ECH1: variants seen among roughly 807,000 people sequenced by gnomAD.
ECH1 encodes the protein enoyl-CoA hydratase 1, also known as delta(3,5)-Delta(2,4)-dienoyl-CoA isomerase, mitochondrial.
A neutral mutation model predicts 37.0 loss-of-function variants in ECH1; 30 were observed. The ratio of observed to expected loss-of-function variants is 0.81; its 90% CI spans 0.61 to 1.10. The LOEUF (loss-of-function observed/expected upper bound fraction) is 1.10. Ranked by LOEUF, ECH1 falls within the 50% of genes least tolerant of loss-of-function variation. The probability of loss-of-function intolerance (pLI) is 0.00; values close to 1 mark genes in which losing one functional copy is unlikely to be tolerated. For synonymous variants in ECH1, 178 were observed against 176.0 expected, an observed-to-expected ratio of 1.01 and a Z score of -0.09; for missense variants, 456 against 441.6, an observed-to-expected ratio of 1.03 and a Z score of -0.29.
At chr19:38,819,892 C>T (rs1971636314) in intron 3 of ECH1, among the ~76,000 whole-genome samples, 1 of 151,650 alleles carries the variant, frequency 6.6e-6, no homozygotes, top group African/African-American at 2.4e-5. Flanking sequence ...TTGCAGGCTG[C>T]GGTCAGCTAT....
At chr19:38,818,641 C>T (rs1971613369) in intron 3 of ECH1, among the ~76,000 whole-genome samples, 1 of 152,154 alleles carries the variant, frequency 6.6e-6, no homozygotes, top group Non-Finnish European at 1.5e-5. Context: ...GCGCCCACCA[C>T]CATGCCCGGC....
At chr19:38,818,180 G>A in intron 3 of ECH1, 1 of 972,458 alleles carries the variant, frequency 1.0e-6, no homozygotes, top group Non-Finnish European at 1.2e-6. Flanking sequence ...TTAAAATCTG[G>A]AACCATGCAG....
At chr19:38,818,671 A>G (rs537945236) in intron 3 of ECH1, among the ~76,000 whole-genome samples, 1 of 151,794 alleles carries the variant, frequency 6.6e-6, no homozygotes, top group African/African-American at 2.4e-5. Flanking sequence ...TATTTTTAGT[A>G]GAGACGGGGT....
intron 8 of ECH1, 25 bp from the exon 9 acceptor site, chr19:38,816,032 G>C: frequency 6.2e-7 from 1 of 1,610,874 alleles, no homozygotes; most frequent in Non-Finnish European, 8.5e-7. Context: ...ATCAGGGACC[G>C]GGTGGGCTGG....
intron 3 of ECH1, among the ~76,000 whole-genome samples, chr19:38,821,443 T>A (rs1971659982): frequency 6.6e-6 from 1 of 152,202 alleles, no homozygotes; most frequent in South Asian, 2.1e-4. Context: ...GGAGCCCCTC[T>A]CTGGGCTGGC....
intron 3 of ECH1, among the ~76,000 whole-genome samples, chr19:38,823,556 C>T (rs950870951): frequency 6.6e-6 from 1 of 152,192 alleles, no homozygotes. Context: ...GGCTCTCTAA[C>T]AACTCCCGAC....
rs907796158 is a variant in ECH1, at chr19:38,816,015, G to A, written c.732-8C>T. Reference sequence around the variant, plus strand: ...TTGTCTGGGAACACCCGGCTGCAGTGAAAGAGATCAGGGACCGGGTGGGCT... The same window carrying A: ...TTGTCTGGGAACACCCGGCTGCAGTAAAAGAGATCAGGGACCGGGTGGGCT... On this transcript the variant is annotated splice_polypyrimidine_tract_variant and splice_region_variant and intron_variant, in intron 8 of 9. Coordinates refer to ENST00000221418, the MANE Select transcript of ECH1 (RefSeq NM_001398.3). The A allele has an allele frequency of 1.2e-6, 2 of 1,612,186 alleles. No individual in the cohort carries two copies. Among genetic ancestry groups the A allele is most frequent in the Non-Finnish European group, 8.5e-7 (1 of 1,179,846 alleles).
At chr19:38,815,796 C>T (rs2145368110) in intron 9 of ECH1, 61 bp downstream of exon 9, 1 of 1,613,054 alleles carries the variant, frequency 6.2e-7, no homozygotes, top group Non-Finnish European at 8.5e-7. Context: ...GAGCACCCTG[C>T]ACCCTGGTTG....
intron 3 of ECH1, among the ~76,000 whole-genome samples, chr19:38,828,560 G>C (rs1274472919): frequency 6.6e-6 from 1 of 151,536 alleles, no homozygotes; most frequent in African/African-American, 2.4e-5. Flanking sequence ...AGATGATAAG[G>C]AGACTGACCC....
chr19:38,818,222 T>C, intron 3 of ECH1: 1 of 985,364 alleles, frequency 1.0e-6, no homozygotes, highest in Non-Finnish European at 1.2e-6. Context: ...TTCCCCAAGA[T>C]GCCAGACAGC....
intron 3 of ECH1, among the ~76,000 whole-genome samples, chr19:38,828,061 TA>T (rs1971763860): frequency 6.6e-6 from 1 of 151,692 alleles, no homozygotes; most frequent in South Asian, 2.1e-4. Context: ...AAAATAAAAA[TA>T]AAAACAGAAA....
chr19:38,819,378 A>C, intron 3 of ECH1: 1 of 282,554 alleles, frequency 3.5e-6, no homozygotes, highest in South Asian at 1.4e-4. Context: ...CTCCCTGGCC[A>C]ACCTGGCTCA....
At chr19:38,821,517 C>A (rs1568358520) in intron 3 of ECH1, among the ~76,000 whole-genome samples, 1 of 152,170 alleles carries the variant, frequency 6.6e-6, no homozygotes, top group African/African-American at 2.4e-5. Context: ...GGGCGGGAAC[C>A]CAGGCTGCAC....
chr19:38,827,684 T>C (rs1217828367), intron 3 of ECH1, among the ~76,000 whole-genome samples: 1 of 152,112 alleles, frequency 6.6e-6, no homozygotes, highest in African/African-American at 2.4e-5. Context: ...TGTTTTTGTT[T>C]TGAGATGGGT....
At chr19:38,820,051 T>TAA in intron 3 of ECH1, 1 of 448,982 alleles carries the variant, frequency 2.2e-6, no homozygotes, top group Non-Finnish European at 2.8e-6. Context: ...AAGTCCCCCT[T>TAA]ACTTTTTTTT....
At chr19:38,825,273 G>A (rs1971722624) in intron 3 of ECH1, among the ~76,000 whole-genome samples, 1 of 152,154 alleles carries the variant, frequency 6.6e-6, no homozygotes, top group African/African-American at 2.4e-5. Flanking sequence ...CATGGGGACT[G>A]GAGTCGTAAA....
Position 38,820,053 on chromosome 19 carries a change from C to CTTTTTTTTTTT in ECH1, c.350-2489_350-2479dup, listed in dbSNP as rs1168608450. The CTTTTTTTTTTT allele has an allele frequency of 1.8e-4, 25 of 139,504 alleles. 1 individual carries two copies. Among genetic ancestry groups the CTTTTTTTTTTT allele is most frequent in the African/African-American group, 2.9e-4 (6 of 20,472 alleles). The allele number at this position is 139,504 out of a possible 1,614,324, so 8.6% of individuals were successfully genotyped here. On this transcript the variant is annotated intron_variant, in intron 3 of 9. Coordinates refer to ENST00000221418, the MANE Select transcript of ECH1 (RefSeq NM_001398.3). ...CAGCCTGAGGCCAAAGTCCCCCTTA[C>CTTTTTTTTTTT]TTTTTTTTTTTTTTTTTTTTTTTTT...
At chr19:38,830,489 T>TA (rs1056198387) in intron 3 of ECH1, among the ~76,000 whole-genome samples, 115 of 152,028 alleles carry the variant, frequency 7.6e-4, no homozygotes, top group Non-Finnish European at 1.4e-3. Flanking sequence ...GGCCTTTTTT[T>TA]AAAAAAATGA....
In ECH1 at chr19:38,817,568, G is replaced by A. The variant is rs142861485; in HGVS notation, c.357C>T (p.Asp119=). 3.0e-5 allele frequency: 48 copies of A among 1,599,234 alleles called. No individual in the cohort carries two copies. The highest frequency in any genetic ancestry group is 4.1e-5 in the Non-Finnish European group (48 of 1,168,206). Residue 119 remains aspartate (D), a synonymous_variant, in exon 4 of 10, where the codon GAC becomes GAT. Coordinates refer to ENST00000221418, the MANE Select transcript of ECH1 (RefSeq NM_001398.3). ...GAGKMFTAGI[D]LMDMASDILQ... ...GGATGTCCGAAGCCATGTCCATCAG[G>A]TCAATACCTGGTGAGAAGGCATGAT...
Sources: gnomAD v4.1 joint callset for allele counts (sites outside exome capture counted in the v4.1 genomes callset) on GRCh38, gnomAD v4.1.1 for gene constraint, MANE v1.5 for transcripts, NCBI Gene and HGNC (gene_info 2026-07-23, HGNC 2026-07-21) for gene names.